The following TUSC3 variants were observed in gnomAD, a reference collection of about 807,000 sequenced individuals.
TUSC3 encodes tumor suppressor candidate 3, also known as dolichyl-diphosphooligosaccharide--protein glycosyltransferase subunit TUSC3.
TUSC3 carries 45 observed loss-of-function variants against 44.8 expected under a neutral mutation model. The ratio of observed to expected loss-of-function variants is 1.00; its 90% confidence interval spans 0.79 to 1.29. The LOEUF (loss-of-function observed/expected upper bound fraction) is 1.29, where lower values mean the gene tolerates loss of function less well. Among genes scored for constraint, TUSC3 ranks in the 50% most tolerant of loss-of-function variants. TUSC3 has a pLI of 0.00. For synonymous variants in TUSC3, 212 were observed against 152.9 expected (o/e 1.39, Z -2.85); for missense variants, 519 against 437.9 (o/e 1.19, Z -1.65).
At chr8:15,461,549 G>T (rs565979578) in intron 1 of TUSC3, among the ~76,000 whole-genome samples, 2 of 151,750 alleles carry the variant, frequency 1.3e-5, no homozygotes, top group African/African-American at 4.8e-5. Flanking sequence ...TGATTTCTCC[G>T]GCTAGGACTT....
intron 5 of TUSC3, among the ~76,000 whole-genome samples, chr8:15,673,098 C>A (rs937885962): frequency 5.9e-5 from 9 of 152,058 alleles, no homozygotes; most frequent in African/African-American, 1.9e-4. Flanking sequence ...TTTATGCATT[C>A]TCTCCCCACC....
intron 2 of TUSC3, among the ~76,000 whole-genome samples, chr8:15,487,680 C>G (rs1406563827): frequency 6.6e-6 from 1 of 152,192 alleles, no homozygotes; most frequent in Non-Finnish European, 1.5e-5. Context: ...TAATCTGTTA[C>G]TCCAATATCA....
chr8:15,636,155 C>T (rs1477434910), intron 2 of TUSC3, among the ~76,000 whole-genome samples: 2 of 152,070 alleles, frequency 1.3e-5, no homozygotes, highest in Admixed American at 1.3e-4. Context: ...TGGTATTACA[C>T]AGCTGTTTCT....
chr8:15,847,350 T>C, the TUSC3 span, among the ~76,000 whole-genome samples: 2 of 152,212 alleles, frequency 1.3e-5, no homozygotes, highest in African/African-American at 4.8e-5. Flanking sequence ...ACACGGTACA[T>C]GATTCCTCTC....
At chr8:15,706,282 A>G (rs1809613179) in intron 6 of TUSC3, among the ~76,000 whole-genome samples, 1 of 149,750 alleles carries the variant, frequency 6.7e-6, no homozygotes, top group South Asian at 2.1e-4. Flanking sequence ...AATTCTTTGT[A>G]TTTATGTTGT....
intron 1 of TUSC3, among the ~76,000 whole-genome samples, chr8:15,553,461 A>G (rs554741143): frequency 6.7e-6 from 1 of 148,888 alleles, no homozygotes; most frequent in African/African-American, 2.5e-5. Context: ...TTCCAAGGAG[A>G]GGTCAACAGT....
chr8:15,771,480 A>C (rs1215126352), downstream of TUSC3, among the ~76,000 whole-genome samples: 4 of 149,612 alleles, frequency 2.7e-5, no homozygotes, highest in Non-Finnish European at 5.9e-5. Flanking sequence ...AAATAACTGC[A>C]TAGATTAAAT....
chr8:15,560,206 C>G (rs1410647965), intron 1 of TUSC3, among the ~76,000 whole-genome samples: 6 of 146,318 alleles, frequency 4.1e-5, no homozygotes, highest in Admixed American at 6.8e-5. Context: ...CTGGTGGTGA[C>G]AAAATCTCTC....
At chr8:15,692,919 T>G (rs1808982990) in intron 6 of TUSC3, among the ~76,000 whole-genome samples, 1 of 152,164 alleles carries the variant, frequency 6.6e-6, no homozygotes, top group Non-Finnish European at 1.5e-5. Flanking sequence ...GTAAAGGGCT[T>G]GTCTTTCTTG....
chr8:15,546,661 G>C (rs777700392), intron 1 of TUSC3, among the ~76,000 whole-genome samples: 2 of 151,378 alleles, frequency 1.3e-5, no homozygotes, highest in African/African-American at 4.8e-5. Context: ...TCAGCCTCCC[G>C]AGTAGCTGGG....
At chr8:15,450,683 TA>T (rs1203032656) in intron 1 of TUSC3, among the ~76,000 whole-genome samples, 2 of 151,920 alleles carry the variant, frequency 1.3e-5, no homozygotes, top group Admixed American at 6.6e-5. Context: ...AATAAATAAG[TA>T]AAAATAATAA....
In TUSC3 at chr8:15,554,634, A is replaced by C. The variant is rs1009379831; in HGVS notation, c.138+14066A>C. 9.3e-5 allele frequency among the ~76,000 whole-genome samples: 11 copies of C among 117,700 alleles called. No homozygotes were observed. The East Asian group carries it at 2.7e-3, about 29-fold the overall frequency. 77.2% of individuals were successfully genotyped at this position (117,700 alleles called of 152,430 possible). A position where few individuals can be genotyped will look rare whatever the true frequency, so the allele number is the denominator to read the frequency against. On this transcript the variant is annotated intron_variant, in intron 1 of 10. Transcript: ENST00000503731. ...TTTTTTTTTTTTGAGATGGAGTCTC[A>C]CTCTGTCGCCCAGGCTGGAGTGCAG...
In TUSC3 at chr8:15,765,000, A is replaced by G. The variant is rs1222595640; in HGVS notation, c.*844A>G. On this transcript the variant is annotated 3_prime_UTR_variant, in exon 11 of 11. Transcript: ENST00000503731. ...TTTTATGCAACCAGCTTTCCATCAA[A>G]TCCTCAATCTTTGAATCCAGGTAAA... 1 of 152,024 alleles carries G rather than the reference A, an allele frequency of 6.6e-6. No individual in the cohort carries two copies. Among genetic ancestry groups the G allele is most frequent in the Non-Finnish European group, 1.5e-5 (1 of 67,930 alleles). The allele number at this position is 152,024 out of a possible 1,614,324, so 9.4% of individuals were successfully genotyped here.
chr8:15,725,612 A>T (rs914149430), intron 6 of TUSC3, among the ~76,000 whole-genome samples: 1 of 152,058 alleles, frequency 6.6e-6, no homozygotes, highest in Non-Finnish European at 1.5e-5. Context: ...ACTGATGATG[A>T]TGATGATGAT....
intron 6 of TUSC3, among the ~76,000 whole-genome samples, chr8:15,683,837 T>G (rs181757696): frequency 7.3e-4 from 111 of 152,288 alleles, no homozygotes; most frequent in Non-Finnish European, 1.5e-3. Flanking sequence ...CTTGAAGGTT[T>G]GACTATGGTA....
At chr8:15,703,356 G>T (rs1045417692) in intron 6 of TUSC3, among the ~76,000 whole-genome samples, 2 of 152,064 alleles carry the variant, frequency 1.3e-5, no homozygotes, top group African/African-American at 2.4e-5. Context: ...ACCCTTCTAA[G>T]TGGGAATTTT....
chr8:15,738,827 C>CTTTTTTTTTTTTTTTTTTTTT (rs375655033), intron 7 of TUSC3, among the ~76,000 whole-genome samples: 8 of 87,202 alleles, frequency 9.2e-5, no homozygotes, highest in East Asian at 7.5e-4. Context: ...ATATATCTTG[C>CTTTTTTTTTTTTTTTTTTTTT]TTTTTTTTTT....
At chr8:15,472,810 T>C (rs1212679156) in intron 1 of TUSC3, among the ~76,000 whole-genome samples, 2 of 152,244 alleles carry the variant, frequency 1.3e-5, no homozygotes, top group East Asian at 3.8e-4. Flanking sequence ...AAATATTTTA[T>C]GCCATTAAAT....
At chr8:15,695,980 G>T (rs1335299954) in intron 6 of TUSC3, among the ~76,000 whole-genome samples, 2 of 152,156 alleles carry the variant, frequency 1.3e-5, no homozygotes, top group African/African-American at 2.4e-5. Flanking sequence ...CAGAAAATTT[G>T]CAGCCTGACA....
Sources: gnomAD v4.1 joint callset for allele counts (sites outside exome capture counted in the v4.1 genomes callset) on GRCh38, gnomAD v4.1.1 for gene constraint, MANE v1.5 for transcripts, NCBI Gene and HGNC (gene_info 2026-07-23, HGNC 2026-07-21) for gene names.